The following PBRM1 variants were observed in gnomAD, a reference collection of about 807,000 sequenced individuals.
PBRM1 encodes protein polybromo-1.
In PBRM1, 27 loss-of-function variants were observed where a neutral mutation model predicts 194.5. That is an observed-to-expected ratio of 0.14 (90% CI 0.10 to 0.19). The LOEUF is 0.19. Among genes scored for constraint, PBRM1 ranks in the 10% least tolerant of loss-of-function variants. The pLI is 1.00. For synonymous variants in PBRM1, 655 were observed against 693.2 expected, an observed-to-expected ratio of 0.94 and a Z score of 0.87; for missense variants, 1,466 against 2,077.2, an observed-to-expected ratio of 0.71 and a Z score of 5.72.
chr3:52,608,521 AAGG>A (rs1333116034), intron 16 of PBRM1, among the ~76,000 whole-genome samples: 2 of 152,164 alleles, frequency 1.3e-5, no homozygotes, highest in Non-Finnish European at 2.9e-5. Context: ...CTTTTCTTTA[AAGG>A]TTCAGAGCAA....
At chr3:52,632,371 G>A (rs1304359194) in intron 11 of PBRM1, among the ~76,000 whole-genome samples, 1 of 152,014 alleles carries the variant, frequency 6.6e-6, no homozygotes, top group Non-Finnish European at 1.5e-5. Flanking sequence ...ATTATTTAAG[G>A]CCAGAAATTC....
exon 30 of PBRM1, chr3:52,548,099 G>A: frequency 1.2e-6 from 2 of 1,610,460 alleles, no homozygotes; most frequent in Non-Finnish European, 1.7e-6. Context: ...GGCGAATGTT[G>A]AGGGTGTCCC....
intron 5 of PBRM1, among the ~76,000 whole-genome samples, chr3:52,652,523 C>A (rs2096525524): frequency 6.6e-6 from 1 of 150,812 alleles, no homozygotes; most frequent in Non-Finnish European, 1.5e-5. Context: ...CCTGTCTCTA[C>A]TAAAAATAGA....
At chr3:52,574,403 T>C (rs954136060) in intron 22 of PBRM1, among the ~76,000 whole-genome samples, 2 of 152,218 alleles carry the variant, frequency 1.3e-5, no homozygotes, top group African/African-American at 4.8e-5. Flanking sequence ...CTTTAAGTCA[T>C]GAATTTCGAA....
intron 22 of PBRM1, among the ~76,000 whole-genome samples, chr3:52,567,708 C>A (rs530262153): frequency 1.3e-5 from 2 of 151,402 alleles, no homozygotes; most frequent in Non-Finnish European, 2.9e-5. Context: ...CTCAGCTCAC[C>A]GCAGCCTCTG....
chr3:52,626,613 G>A (rs1309077491), intron 13 of PBRM1, among the ~76,000 whole-genome samples: 1 of 152,116 alleles, frequency 6.6e-6, no homozygotes, highest in Non-Finnish European at 1.5e-5. Flanking sequence ...TTTGTGTGGC[G>A]AGAGATAATA....
rs778674241 is a variant in PBRM1, at chr3:52,550,637, C to T, written c.4681G>A (p.Val1561Met). Residue 1561 changes from valine to methionine, a missense_variant and splice_region_variant, in exon 29 of 30, where the codon GTG (valine) becomes ATG (methionine). By Grantham distance (21) the Val-to-Met change is conservative. This residue lies in a region of PBRM1 where 244 missense variants were observed against 324.6 expected (regional missense o/e 0.75). Transcript: ENST00000296302. Reference sequence around the variant, plus strand: ...TGCCCTGGAGGCCCCAAAACTCCCACCTGAAAGAGCACAGGACCACATGGT... The same window carrying T: ...TGCCCTGGAGGCCCCAAAACTCCCATCTGAAAGAGCACAGGACCACATGGT... The T allele has an allele frequency of 7.2e-6, 11 of 1,524,924 alleles. No homozygotes were observed. In the South Asian group the frequency reaches 7.7e-5, roughly 11 times the overall value. 94.5% of individuals were successfully genotyped at this position (1,524,924 alleles called of 1,614,324 possible).
chr3:52,603,312 G>C (rs2094130864), intron 17 of PBRM1, among the ~76,000 whole-genome samples: 1 of 152,228 alleles, frequency 6.6e-6, no homozygotes, highest in African/African-American at 2.4e-5. Flanking sequence ...TAGGATAACA[G>C]CTGTGTCACA....
intron 9 of PBRM1, 149 bp from the exon 11 acceptor site, chr3:52,642,194 G>T: frequency 1.7e-6 from 1 of 595,786 alleles, no homozygotes; most frequent in East Asian, 2.8e-5. Flanking sequence ...TGTACTTAAT[G>T]GTTCTCATAA....
chr3:52,670,808 G>A (rs2096930636), intron 2 of PBRM1, among the ~76,000 whole-genome samples: 2 of 152,248 alleles, frequency 1.3e-5, no homozygotes, highest in African/African-American at 4.8e-5. Context: ...AGTGTGCAAA[G>A]ATGGTGCTGG....
intron 16 of PBRM1, among the ~76,000 whole-genome samples, chr3:52,608,464 T>C (rs1175764919): frequency 3.3e-5 from 5 of 152,176 alleles, no homozygotes; most frequent in Non-Finnish European, 7.3e-5. Context: ...TTACTATGTT[T>C]TTTTTCTTTT....
At chr3:52,610,800 TGTG>T (rs2094566497) in intron 15 of PBRM1, among the ~76,000 whole-genome samples, 1 of 151,598 alleles carries the variant, frequency 6.6e-6, no homozygotes, top group African/African-American at 2.4e-5. Flanking sequence ...ATTAGCCGAG[TGTG>T]GTGGTGGCGC....
chr3:52,604,452 A>G (rs368602631), intron 16 of PBRM1, among the ~76,000 whole-genome samples: 34 of 152,266 alleles, frequency 2.2e-4, no homozygotes, highest in East Asian at 7.7e-4. Flanking sequence ...TATAATCCCA[A>G]TGCTTTGGGA....
At chr3:52,572,297 G>A (rs1250790199) in intron 22 of PBRM1, among the ~76,000 whole-genome samples, 1 of 152,124 alleles carries the variant, frequency 6.6e-6, no homozygotes, top group Non-Finnish European at 1.5e-5. Context: ...AAGAGCCCAG[G>A]TTCCTGGAAA....
At chr3:52,666,625 T>G (rs555891505) in intron 3 of PBRM1, among the ~76,000 whole-genome samples, 28 of 152,034 alleles carry the variant, frequency 1.8e-4, no homozygotes, top group Non-Finnish European at 3.1e-4. Flanking sequence ...GGCATGGTGG[T>G]TCATGCCTGT....
intron 7 of PBRM1, among the ~76,000 whole-genome samples, chr3:52,647,356 G>A (rs979202928): frequency 4.9e-5 from 7 of 143,508 alleles, no homozygotes; most frequent in East Asian, 4.1e-4. Context: ...ACAGTTTGGC[G>A]GTTCTTCAGA....
chr3:52,573,884 G>A (rs1033460545), intron 22 of PBRM1, among the ~76,000 whole-genome samples: 1 of 152,144 alleles, frequency 6.6e-6, no homozygotes, highest in Non-Finnish European at 1.5e-5. Context: ...GAAGATGGCA[G>A]CCTCTATTCC....
chr3:52,630,207 GA>G (rs912918273), intron 11 of PBRM1, among the ~76,000 whole-genome samples: 3 of 151,686 alleles, frequency 2.0e-5, no homozygotes, highest in Non-Finnish European at 4.4e-5. Flanking sequence ...GGTAGTGGGG[GA>G]GGAAAAAGAA....
chr3:52,598,740 G>A (rs2093753965), intron 17 of PBRM1, among the ~76,000 whole-genome samples: 1 of 152,106 alleles, frequency 6.6e-6, no homozygotes, highest in Non-Finnish European at 1.5e-5. Flanking sequence ...AAAAAATTAG[G>A]CCAGGTGCAG....
Sources: gnomAD v4.1 joint callset for allele counts (sites outside exome capture counted in the v4.1 genomes callset) on GRCh38, gnomAD v4.1.1 for gene constraint, gnomAD v4.1.1 regional missense constraint, MANE v1.5 for transcripts, NCBI Gene and HGNC (gene_info 2026-07-23, HGNC 2026-07-21) for gene names.